Variants in ATP8B4 observed in about 807,000 individuals in gnomAD.
The protein encoded by ATP8B4 is ATPase phospholipid transporting 8B4 (putative).
Under a neutral mutation model 145.6 loss-of-function variants are expected in ATP8B4, and 133 were observed. That is an observed-to-expected ratio of 0.91 (90% CI 0.79 to 1.05). The LOEUF (loss-of-function observed/expected upper bound fraction) is 1.05, where lower values mean the gene tolerates loss of function less well. ATP8B4 is among the 50% of genes least tolerant of loss of function. ATP8B4 has a pLI of 0.00. For synonymous variants in ATP8B4, 507 were observed against 492.9 expected (o/e 1.03, Z -0.38); for missense variants, 1,458 against 1,425.2 (o/e 1.02, Z -0.37).
chr15:50,026,585 T>C (rs1225482614), intron 6 of ATP8B4, among the ~76,000 whole-genome samples: 1 of 152,210 alleles, frequency 6.6e-6, no homozygotes, highest in African/African-American at 2.4e-5. Context: ...ACATAAGATT[T>C]CATTTGAAAA....
chr15:49,913,523 C>T (rs1040021635), intron 20 of ATP8B4, among the ~76,000 whole-genome samples: 2 of 151,966 alleles, frequency 1.3e-5, no homozygotes, highest in Non-Finnish European at 2.9e-5. Context: ...CTAGTCAGAG[C>T]AATCAGGCAA....
At chr15:50,160,273 C>T (rs1414451802) in intron 1 of ATP8B4, among the ~76,000 whole-genome samples, 3 of 150,710 alleles carry the variant, frequency 2.0e-5, no homozygotes, top group Non-Finnish European at 3.0e-5. Context: ...TTTGTTTGGT[C>T]GTCTTTTTTT....
chr15:49,974,848 G>A (rs1220945488), intron 12 of ATP8B4, among the ~76,000 whole-genome samples: 5 of 152,110 alleles, frequency 3.3e-5, no homozygotes, highest in African/African-American at 9.7e-5. Context: ...AAGCTGGGAT[G>A]CTTTCTGTGT....
intron 7 of ATP8B4, among the ~76,000 whole-genome samples, chr15:50,010,169 T>C (rs1470207238): frequency 3.9e-5 from 6 of 152,082 alleles, no homozygotes; most frequent in Admixed American, 3.9e-4. Context: ...ACAGAAACAA[T>C]ACAATAACTT....
intron 10 of ATP8B4, among the ~76,000 whole-genome samples, chr15:49,986,665 A>C (rs1012644646): frequency 3.3e-5 from 5 of 152,224 alleles, no homozygotes; most frequent in African/African-American, 1.2e-4. Flanking sequence ...CCCAAAACAC[A>C]TCTTAATTTG....
chr15:50,041,743 A>C (rs377551681), intron 5 of ATP8B4, among the ~76,000 whole-genome samples: 1 of 152,210 alleles, frequency 6.6e-6, no homozygotes, highest in Admixed American at 6.5e-5. Context: ...GATCGAGACC[A>C]TCTTGGCTAA....
intron 1 of ATP8B4, among the ~76,000 whole-genome samples, chr15:50,140,366 G>A (rs1419820226): frequency 6.6e-6 from 1 of 152,148 alleles, no homozygotes; most frequent in Non-Finnish European, 1.5e-5. Context: ...GCCTTGGGAT[G>A]TAGTTAAATC....
intron 9 of ATP8B4, among the ~76,000 whole-genome samples, chr15:49,992,945 A>G (rs1466187144): frequency 6.6e-6 from 1 of 152,154 alleles, no homozygotes; most frequent in African/African-American, 2.4e-5. Context: ...AGGATGCAAT[A>G]TCTAGTTTTG....
chr15:50,056,246 G>C (rs918669234), intron 3 of ATP8B4, among the ~76,000 whole-genome samples: 4 of 152,138 alleles, frequency 2.6e-5, no homozygotes, highest in African/African-American at 9.7e-5. Context: ...TTTTGTTAAA[G>C]TCCTTCTGTG....
chr15:50,174,792 A>T, intron 1 of ATP8B4, among the ~76,000 whole-genome samples: 1 of 152,106 alleles, frequency 6.6e-6, no homozygotes, highest in East Asian at 1.9e-4. Context: ...GAAAAAAAAC[A>T]ATTCTAAAAT....
chr15:49,972,839 C>T, intron 12 of ATP8B4, 49 bp from the exon 13 acceptor site: 1 of 1,572,360 alleles, frequency 6.4e-7, no homozygotes, highest in South Asian at 1.2e-5. Flanking sequence ...CCATTAATTT[C>T]AGAACATACA....
chr15:50,176,754 A>C (rs1158268849), intron 1 of ATP8B4, among the ~76,000 whole-genome samples: 1 of 152,138 alleles, frequency 6.6e-6, no homozygotes, highest in Non-Finnish European at 1.5e-5. Flanking sequence ...TTCAACACCT[A>C]ATCAAAGACA....
Position 49,967,617 on chromosome 15 carries a change from G to A in ATP8B4, c.1243+4965C>T, listed in dbSNP as rs765319718. Among the ~76,000 whole-genome samples the A allele has an allele frequency of 2.6e-5, 4 of 152,134 alleles. No individual in the cohort carries two copies. In the South Asian group the frequency reaches 8.3e-4, roughly 32 times the overall value. On this transcript the variant is annotated intron_variant, in intron 13 of 27. Coordinates refer to ENST00000284509, the MANE Select transcript of ATP8B4 (RefSeq NM_024837.4). ...CGAATAAAGCCTCCAAGAAATATGCGACTATGTGAAAAGACCAAACCTACG... is the reference window on the plus strand; with the variant it reads ...CGAATAAAGCCTCCAAGAAATATGCAACTATGTGAAAAGACCAAACCTACG...
chr15:50,082,393 C>T (rs779355606), intron 2 of ATP8B4, among the ~76,000 whole-genome samples: 2 of 152,250 alleles, frequency 1.3e-5, no homozygotes, highest in Middle Eastern at 3.4e-3. Context: ...AACCTTCCCA[C>T]AATTTTTTTA....
intron 9 of ATP8B4, among the ~76,000 whole-genome samples, chr15:49,995,150 A>T (rs2047322846): frequency 6.6e-6 from 1 of 152,202 alleles, no homozygotes; most frequent in Admixed American, 6.6e-5. Context: ...TGGGACCTAA[A>T]TAATTGCTAA....
intron 2 of ATP8B4, among the ~76,000 whole-genome samples, chr15:50,087,335 AT>A (rs1288780791): frequency 1.1e-4 from 3 of 28,496 alleles, no homozygotes; most frequent in African/African-American, 5.1e-4. Context: ...CTATATTTAT[AT>A]ATAATATAGA....
chr15:50,045,358 T>C (rs1448600955), intron 4 of ATP8B4, among the ~76,000 whole-genome samples: 1 of 152,190 alleles, frequency 6.6e-6, no homozygotes, highest in Non-Finnish European at 1.5e-5. Flanking sequence ...AATTTGAAAC[T>C]AGGTCTCTTG....
chr15:49,967,651 G>A (rs569632525), intron 13 of ATP8B4, among the ~76,000 whole-genome samples: 3 of 152,312 alleles, frequency 2.0e-5, no homozygotes, highest in East Asian at 3.9e-4. Context: ...CGTTTCATTG[G>A]TGTACCTGAA....
intron 12 of ATP8B4, among the ~76,000 whole-genome samples, chr15:49,978,785 C>CA (rs779898469): frequency 1.5e-5 from 2 of 131,382 alleles, no homozygotes; most frequent in East Asian, 4.8e-4. Context: ...CACACACACA[C>CA]ATGCATACAT....
Sources: gnomAD v4.1 joint callset for allele counts (sites outside exome capture counted in the v4.1 genomes callset) on GRCh38, gnomAD v4.1.1 for gene constraint, MANE v1.5 for transcripts, NCBI Gene and HGNC (gene_info 2026-07-23, HGNC 2026-07-21) for gene names.